Variants in HECTD4 observed in about 807,000 individuals in gnomAD.
HECTD4 encodes HECT domain E3 ubiquitin protein ligase 4.
Under a neutral mutation model 471.5 loss-of-function variants are expected in HECTD4, and 114 were observed. The observed-to-expected ratio is 0.24, with a 90% CI of 0.21 to 0.28. HECTD4 has a LOEUF of 0.28. Ranked by LOEUF, HECTD4 falls within the 10% of genes least tolerant of loss-of-function variation. The pLI is 1.00. For missense variants in HECTD4, 3,866 were observed against 5,651.5 expected (o/e 0.68, Z 10.13); for synonymous variants, 2,012 against 2,256.0 (o/e 0.89, Z 3.07).
Position 112,230,809 on chromosome 12 carries a change from G to A in HECTD4, c.6214C>T (p.Arg2072Cys), listed in dbSNP as rs2135566321. 3.7e-6 allele frequency: 6 copies of A among 1,609,944 alleles called. No homozygotes were observed. Among genetic ancestry groups the A allele is most frequent in the Non-Finnish European group, 5.1e-6 (6 of 1,178,154 alleles). ...GCCACATGCCCACTGATGAAGGGAC[G>A]CACAGGATCAGTCCTGCAAGTGTCA... ...NSELARTDPV[R>C]PFISGHVANS... Residue 2072 changes from arginine to cysteine, a missense_variant, in exon 40 of 76, where the codon CGT becomes TGT. Coordinates refer to ENST00000682272, the MANE Select transcript of HECTD4 (RefSeq NM_001388303.1).
intron 1 of HECTD4, among the ~76,000 whole-genome samples, chr12:112,348,792 TATAA>T (rs746381362): frequency 6.6e-6 from 1 of 152,084 alleles, no homozygotes; most frequent in African/African-American, 2.4e-5. Context: ...TGAAAAAATA[TATAA>T]ATAAATAAAA....
At chr12:112,371,064 T>C (rs1357981881) in intron 1 of HECTD4, among the ~76,000 whole-genome samples, 1 of 152,130 alleles carries the variant, frequency 6.6e-6, no homozygotes, top group African/African-American at 2.4e-5. Flanking sequence ...ACACCACAGT[T>C]ACCTTCAGAC....
At position 112,197,306 on chromosome 12, in the gene HECTD4, A is replaced by G. The variant is rs559085929; in HGVS notation, c.8568-2240T>C. Among the ~76,000 whole-genome samples, 3 of 152,224 alleles carry G rather than the reference A, an allele frequency of 2.0e-5. No individual in the cohort carries two copies. In the East Asian group the frequency reaches 5.8e-4, roughly 29 times the overall value. ...ACTGCTGCTCTAGCCTCTGTTTTCC[A>G]AAATCCTCTTTATTTATTAAAAAAA... On this transcript the variant is annotated intron_variant, in intron 55 of 75. Transcript: ENST00000682272.
chr12:112,183,980 C>A (rs1368892362), intron 61 of HECTD4, among the ~76,000 whole-genome samples: 1 of 152,240 alleles, frequency 6.6e-6, no homozygotes, highest in African/African-American at 2.4e-5. Context: ...AGCCCTCTGG[C>A]TCCCCTTTAC....
At chr12:112,326,816 A>C (rs943088305) in intron 1 of HECTD4, among the ~76,000 whole-genome samples, 2 of 152,200 alleles carry the variant, frequency 1.3e-5, no homozygotes, top group Non-Finnish European at 2.9e-5. Flanking sequence ...AGAGATAATT[A>C]TTGAAAAGGG....
chr12:112,184,677 T>C lies in HECTD4; in HGVS notation c.10289A>G (p.Asp3430Gly). Reference sequence around the variant, plus strand: ...TTCCTGCAGCGGGATGTAGATCTCGTCTTTGAAGACCCCGCCGTGGGCGTT... The same window carrying C: ...TTCCTGCAGCGGGATGTAGATCTCGCCTTTGAAGACCCCGCCGTGGGCGTT... ...ACNAHGGVFK[D>G]EIYIPLQEED... is the part of the protein sequence containing the mutation. Residue 3430 changes from aspartate (D) to glycine (G), a missense_variant, in exon 61 of 76, where the codon GAC (aspartate) becomes GGC (glycine). By Grantham distance (94) the Asp-to-Gly change is moderately conservative (BLOSUM62 -1). Transcript: ENST00000682272. This position sits in a 1 kb window ranked among gnomAD's most constrained non-coding sequence, Gnocchi z 9.1. The C allele has an allele frequency of 6.3e-7, 1 of 1,596,582 alleles. No individual in the cohort carries two copies. The highest frequency in any genetic ancestry group is 8.5e-7 in the Non-Finnish European group (1 of 1,172,224).
intron 39 of HECTD4, chr12:112,231,201 A>G: frequency 2.1e-6 from 1 of 466,468 alleles, no homozygotes. Context: ...GGCAGTGGAG[A>G]TGTACCATTT....
chr12:112,344,568 A>G (rs1271426270), intron 1 of HECTD4, among the ~76,000 whole-genome samples: 1 of 152,208 alleles, frequency 6.6e-6, no homozygotes, highest in Non-Finnish European at 1.5e-5. Flanking sequence ...GGAAGATGGC[A>G]GTAGGTCTCT....
chr12:112,377,794 C>T (rs531841476), intron 1 of HECTD4, among the ~76,000 whole-genome samples: 23 of 152,146 alleles, frequency 1.5e-4, no homozygotes, highest in African/African-American at 4.6e-4. Flanking sequence ...TGCTTGAACC[C>T]GTGAGGTGGA....
intron 19 of HECTD4, 52 bp downstream of exon 19, chr12:112,259,060 G>A (rs1382159871): frequency 1.0e-5 from 16 of 1,523,874 alleles, no homozygotes; most frequent in Non-Finnish European, 1.4e-5. Context: ...CAGCCATCCT[G>A]TGAAGCAGGT....
rs2030697498 is a variant in HECTD4 at position 112,161,726 on chromosome 12, C to G, written c.*661G>C. ...TCAGATGAAAACTGTCAGACCAGGG[C>G]CCAAAGAGACAGACGGCAGATAGGG... is the stretch of plus-strand genomic sequence containing the variant. On this transcript the variant is annotated 3_prime_UTR_variant, in exon 76 of 76. Transcript: ENST00000682272. The G allele has an allele frequency of 1.3e-5, 2 of 152,210 alleles. No homozygotes were observed. 9.4% of individuals were successfully genotyped at this position (152,210 alleles called of 1,614,324 possible).
At position 112,235,619 on chromosome 12, in the gene HECTD4, G is replaced by A; in HGVS notation, c.5610C>T (p.Leu1870=). The A allele has an allele frequency of 1.2e-6, 2 of 1,614,018 alleles. No individual in the cohort carries two copies. The highest frequency in any genetic ancestry group is 1.7e-6 in the Non-Finnish European group (2 of 1,179,888). The change falls in exon 36 of 76, where the codon CTC becomes CTT. Residue 1870 remains leucine, a synonymous_variant. Transcript: ENST00000682272. This position sits in a 1 kb window ranked among gnomAD's most constrained non-coding sequence, Gnocchi z 5.0. The part of the protein sequence containing the change: ...MSVEDCGNVE[L]PPWSYSVPSL... ...AGGGGACAGAGTAGCTCCAGGGTGG[G>A]AGCTCCACGTTTCCACAGTCTTCTA...
chr12:112,274,860 G>T lies in HECTD4; in HGVS notation c.1788C>A (p.Leu596=), dbSNP rs935234421. 1.7e-5 allele frequency: 26 copies of T among 1,545,324 alleles called. No homozygotes were observed. In the East Asian group the frequency reaches 6.4e-4, roughly 38 times the overall value. ...AAGSSLGRGA[L]VPGLGACYDT... ...TTTATTTCTTACCCAATCCTGGTAC[G>T]AGAGCACCACGCCCCAGTGAGCTTC... The change falls in exon 10 of 76, where the codon CTC becomes CTA. Residue 596 remains leucine (L), a synonymous_variant. Coordinates refer to ENST00000682272, the MANE Select transcript of HECTD4 (RefSeq NM_001388303.1).
In HECTD4 at chr12:112,243,001, A is replaced by G. The variant is rs1329105459; in HGVS notation, c.4958+352T>C. On this transcript the variant is annotated intron_variant, in intron 32 of 75. Coordinates refer to ENST00000682272, the MANE Select transcript of HECTD4 (RefSeq NM_001388303.1). The surrounding 1 kb of genome is among the most constrained non-coding windows in gnomAD (Gnocchi z 6.6). ...TATCTAAGACATACTGAGCAAAACA[A>G]CCATGGTTATAGAAAGGCATGGATA... 6.6e-6 allele frequency among the ~76,000 whole-genome samples: 1 copy of G among 152,202 alleles called. No homozygotes were observed. The highest frequency in any genetic ancestry group is 1.5e-5 in the Non-Finnish European group (1 of 68,038).
chr12:112,288,579 T>C (rs565322092), intron 7 of HECTD4, among the ~76,000 whole-genome samples: 5 of 152,008 alleles, frequency 3.3e-5, no homozygotes, highest in East Asian at 3.9e-4. Context: ...TGAGCAGAGA[T>C]AGTAGCACCA....
chr12:112,323,988 T>C (rs1472333351), intron 1 of HECTD4, among the ~76,000 whole-genome samples: 1 of 33,092 alleles, frequency 3.0e-5, no homozygotes, highest in Non-Finnish European at 4.7e-5. Context: ...CTTCCTTCCT[T>C]CCTTCCTTCC....
At position 112,228,422 on chromosome 12, in the gene HECTD4, T is replaced by C. The variant is rs1009210388; in HGVS notation, c.6685-164A>G. On this transcript the variant is annotated intron_variant, in intron 42 of 75. Coordinates refer to ENST00000682272, the MANE Select transcript of HECTD4 (RefSeq NM_001388303.1). The surrounding 1 kb of genome is among the most constrained non-coding windows in gnomAD (Gnocchi z 4.9). The stretch of plus-strand genomic sequence containing the variant: ...CCACATCAAAACAATTAAAAATACA[T>C]TGTAGAAGAGCCCTAACCAACAAAG... Among the ~76,000 whole-genome samples the C allele has an allele frequency of 6.6e-6, 1 of 152,166 alleles. No homozygotes were observed. Among genetic ancestry groups the C allele is most frequent in the Non-Finnish European group, 1.5e-5 (1 of 68,016 alleles).
intron 1 of HECTD4, among the ~76,000 whole-genome samples, chr12:112,323,487 G>T (rs2035626072): frequency 6.6e-6 from 1 of 151,786 alleles, no homozygotes; most frequent in South Asian, 2.1e-4. Context: ...AGCAAAGAAA[G>T]AAACTATTGA....
chr12:112,225,638 G>C (rs1240398831), intron 44 of HECTD4, among the ~76,000 whole-genome samples: 1 of 135,574 alleles, frequency 7.4e-6, no homozygotes, highest in South Asian at 2.3e-4. Context: ...AAAAAAAAAA[G>C]ACTAAGAGGA....
Sources: allele counts gnomAD v4.1 joint callset (sites outside exome capture counted in the v4.1 genomes callset), GRCh38; gene constraint gnomAD v4.1.1; non-coding constraint Gnocchi (gnomAD v3.1); transcripts MANE v1.5; gene names NCBI Gene and HGNC (gene_info 2026-07-23, HGNC 2026-07-21).